The following RAB38 variants were observed in gnomAD, a reference collection of about 807,000 sequenced individuals.
RAB38 encodes ras-related protein Rab-38.
RAB38 carries 15 observed loss-of-function variants against 18.4 expected under a neutral mutation model. The ratio of observed to expected loss-of-function variants is 0.82; its 90% CI spans 0.55 to 1.26. The LOEUF is 1.26. RAB38 is among the 50% of genes most tolerant of loss of function. The probability of loss-of-function intolerance (pLI) is 0.00; values close to 1 mark genes in which losing one functional copy is unlikely to be tolerated. For synonymous variants in RAB38, 101 were observed against 104.4 expected (o/e 0.97, Z 0.20); for missense variants, 294 against 267.4 (o/e 1.10, Z -0.69).
the RAB38 span, among the ~76,000 whole-genome samples, chr11:88,036,698 A>G: frequency 1.3e-5 from 2 of 152,058 alleles, no homozygotes; most frequent in African/African-American, 4.8e-5. Context: ...TTTGTGTTGA[A>G]CTTTGTGGAA....
chr11:88,030,143 G>T, the RAB38 span, among the ~76,000 whole-genome samples: 1 of 152,100 alleles, frequency 6.6e-6, no homozygotes, highest in Admixed American at 6.5e-5. Flanking sequence ...GGTACATAAC[G>T]AAATGAAGGC....
the RAB38 span, among the ~76,000 whole-genome samples, chr11:88,087,954 T>C: frequency 6.6e-6 from 1 of 151,962 alleles, no homozygotes; most frequent in African/African-American, 2.4e-5. Context: ...TATTTCTCCT[T>C]AATATTACAG....
At chr11:88,022,632 A>AAAAAT in the RAB38 span, among the ~76,000 whole-genome samples, 1 of 150,944 alleles carries the variant, frequency 6.6e-6, no homozygotes, top group East Asian at 1.9e-4. Context: ...AAAAAAAAAA[A>AAAAAT]CAACTATTAG....
the RAB38 span, among the ~76,000 whole-genome samples, chr11:87,967,067 A>G: frequency 9.6e-4 from 146 of 152,342 alleles, no homozygotes; most frequent in Non-Finnish European, 1.8e-3. Context: ...TTGGAGAGGA[A>G]ATAATGAAGG....
the RAB38 span, among the ~76,000 whole-genome samples, chr11:88,103,884 T>G: frequency 2.0e-5 from 3 of 152,112 alleles, no homozygotes; most frequent in Non-Finnish European, 2.9e-5. Flanking sequence ...GCTTCTATGG[T>G]GTGCTGCCAG....
chr11:87,843,157 G>A, the RAB38 span, among the ~76,000 whole-genome samples: 3 of 152,314 alleles, frequency 2.0e-5, no homozygotes, highest in East Asian at 5.8e-4. Context: ...TGATGCACAC[G>A]TTTTGTTTGC....
At chr11:87,817,264 C>T in the RAB38 span, 1 of 152,082 alleles carries the variant, frequency 6.6e-6, no homozygotes, top group Non-Finnish European at 1.5e-5. Context: ...TCCAGAAAGA[C>T]TCCTGAAGGA....
At chr11:87,924,414 C>A in the RAB38 span, among the ~76,000 whole-genome samples, 1 of 151,936 alleles carries the variant, frequency 6.6e-6, no homozygotes. Context: ...TCAGCTGATG[C>A]AACATGAGGA....
the RAB38 span, among the ~76,000 whole-genome samples, chr11:87,865,436 T>C: frequency 6.6e-6 from 1 of 151,534 alleles, no homozygotes; most frequent in Non-Finnish European, 1.5e-5. Flanking sequence ...GAGGAAGTGG[T>C]CACAATCAAA....
chr11:87,963,573 A>C, the RAB38 span, among the ~76,000 whole-genome samples: 76 of 152,258 alleles, frequency 5.0e-4, no homozygotes, highest in African/African-American at 1.7e-3. Context: ...TGTTATCAAA[A>C]TACAAGCAGA....
At chr11:87,940,999 G>C in the RAB38 span, among the ~76,000 whole-genome samples, 2 of 151,610 alleles carry the variant, frequency 1.3e-5, no homozygotes, top group Admixed American at 6.6e-5. Flanking sequence ...TTGATCAGCA[G>C]ATATTTCTTT....
At chr11:87,838,087 A>G in the RAB38 span, among the ~76,000 whole-genome samples, 1 of 151,972 alleles carries the variant, frequency 6.6e-6, no homozygotes, top group South Asian at 2.1e-4. Flanking sequence ...TACAGGAAGA[A>G]AGGCTTACAT....
At chr11:88,136,683 A>C (rs1591163834) in intron 2 of RAB38, among the ~76,000 whole-genome samples, 1 of 152,328 alleles carries the variant, frequency 6.6e-6, no homozygotes, top group South Asian at 2.1e-4. Context: ...GAGAAGTAGT[A>C]ATAGGTTTAG....
At chr11:88,105,039 TA>T in the RAB38 span, among the ~76,000 whole-genome samples, 1 of 152,094 alleles carries the variant, frequency 6.6e-6, no homozygotes, top group East Asian at 1.9e-4. Flanking sequence ...TTCCAGACCT[TA>T]CTTTACAGAT....
the RAB38 span, among the ~76,000 whole-genome samples, chr11:87,925,127 G>T: frequency 6.6e-6 from 1 of 151,970 alleles, no homozygotes; most frequent in Non-Finnish European, 1.5e-5. Flanking sequence ...CAGAACAAGG[G>T]TTATAGTTCC....
chr11:87,849,119 G>A, the RAB38 span, among the ~76,000 whole-genome samples: 17 of 152,036 alleles, frequency 1.1e-4, no homozygotes, highest in African/African-American at 2.4e-4. Context: ...CATGACTTTC[G>A]CCACCATAGA....
the RAB38 span, among the ~76,000 whole-genome samples, chr11:87,962,495 CGGGGGCA>C: frequency 6.8e-6 from 1 of 146,128 alleles, no homozygotes; most frequent in Non-Finnish European, 1.5e-5. Context: ...AGAGGCTTGG[CGGGGGCA>C]GGGGGCAGGG....
the RAB38 span, among the ~76,000 whole-genome samples, chr11:87,953,385 ATAGCAACTCTT>A: frequency 1.1e-3 from 161 of 151,860 alleles, 3 homozygotes; most frequent in East Asian, 0.029. Context: ...AAGTGCCTGG[ATAGCAACTCTT>A]AGCAATAGTA....
chr11:87,860,699 GA>G, the RAB38 span, among the ~76,000 whole-genome samples: 133 of 151,896 alleles, frequency 8.8e-4, 1 homozygote, highest in African/African-American at 3.2e-3. Context: ...TAATACAAAT[GA>G]AAAAAACTTC....
Sources: allele counts gnomAD v4.1 joint callset (sites outside exome capture counted in the v4.1 genomes callset), GRCh38; gene constraint gnomAD v4.1.1; transcripts MANE v1.5; gene names NCBI Gene and HGNC (gene_info 2026-07-23, HGNC 2026-07-21).